Variants in INPP4B observed in about 807,000 individuals in gnomAD.
INPP4B encodes inositol polyphosphate 4-phosphatase type II.
In INPP4B, 55 loss-of-function variants were observed where a neutral mutation model predicts 122.5. The ratio of observed to expected loss-of-function variants is 0.45; its 90% CI spans 0.36 to 0.56. The LOEUF (loss-of-function observed/expected upper bound fraction) is 0.56. Among genes scored for constraint, INPP4B ranks in the 20% least tolerant of loss-of-function variants. INPP4B has a pLI of 0.00. For synonymous variants in INPP4B, 403 were observed against 388.7 expected (o/e 1.04, Z -0.43); for missense variants, 1,000 against 1,097.7 (o/e 0.91, Z 1.26).
chr4:142,775,719 T>G (rs1447617203), intron 1 of INPP4B, among the ~76,000 whole-genome samples: 1 of 152,116 alleles, frequency 6.6e-6, no homozygotes, highest in Non-Finnish European at 1.5e-5. Context: ...TATGTCCATT[T>G]AAAAAATCAG....
intron 2 of INPP4B, among the ~76,000 whole-genome samples, chr4:142,701,003 T>C (rs977224553): frequency 6.6e-6 from 1 of 152,084 alleles, no homozygotes; most frequent in East Asian, 1.9e-4. Flanking sequence ...CCTTAATCCA[T>C]AAGAAAATTT....
chr4:142,433,451 C>T (rs141733811), intron 3 of INPP4B, among the ~76,000 whole-genome samples: 2,404 of 152,220 alleles, frequency 0.016, 32 homozygotes, highest in Middle Eastern at 0.044. Context: ...TTCTCTCACC[C>T]TCCCCCAGGG....
At chr4:142,148,828 G>A (rs1812208377) in intron 17 of INPP4B, among the ~76,000 whole-genome samples, 1 of 152,158 alleles carries the variant, frequency 6.6e-6, no homozygotes, top group Non-Finnish European at 1.5e-5. Flanking sequence ...ATATATGGTA[G>A]GCAGAATAAA....
intron 25 of INPP4B, among the ~76,000 whole-genome samples, chr4:142,044,254 T>C (rs111853291): frequency 1.9e-4 from 29 of 152,264 alleles, no homozygotes; most frequent in African/African-American, 6.5e-4. Context: ...GTAGATTAAT[T>C]AGATGGAATC....
At chr4:142,611,823 C>A (rs1423969499) in intron 2 of INPP4B, among the ~76,000 whole-genome samples, 1 of 151,524 alleles carries the variant, frequency 6.6e-6, no homozygotes, top group East Asian at 1.9e-4. Flanking sequence ...TGCACGCCAC[C>A]ATGCCTGGCT....
At chr4:142,196,060 GAGA>G (rs1309321597) in intron 14 of INPP4B, among the ~76,000 whole-genome samples, 4 of 152,098 alleles carry the variant, frequency 2.6e-5, no homozygotes, top group Non-Finnish European at 4.4e-5. Context: ...GAAGGTAAAG[GAGA>G]AGAAGCATGT....
intron 14 of INPP4B, among the ~76,000 whole-genome samples, chr4:142,195,237 A>T (rs945864584): frequency 6.6e-6 from 1 of 152,198 alleles, no homozygotes; most frequent in African/African-American, 2.4e-5. Flanking sequence ...AAAATAGTCA[A>T]CCTCATAAAA....
intron 2 of INPP4B, among the ~76,000 whole-genome samples, chr4:142,649,386 G>A (rs992493503): frequency 5.3e-5 from 8 of 152,196 alleles, no homozygotes; most frequent in Admixed American, 1.3e-4. Context: ...CAAGTTGACA[G>A]AAGTAGGCTT....
At chr4:142,056,051 G>T (rs773386286) in intron 25 of INPP4B, among the ~76,000 whole-genome samples, 1 of 151,740 alleles carries the variant, frequency 6.6e-6, no homozygotes, top group East Asian at 1.9e-4. Flanking sequence ...TAGATTCCTC[G>T]CATGTGCAGT....
rs141787379 is a variant in INPP4B, at chr4:142,225,429, T to C, written c.836+12435A>G. On this transcript the variant is annotated intron_variant, in intron 12 of 25. Transcript: ENST00000262992. ...TATTGTGGGACTTCACTTGTGATCA[T>C]GTGAGTCGATTCTCCTTAATAAACT... 4.9e-4 allele frequency among the ~76,000 whole-genome samples: 75 copies of C among 151,984 alleles called. 1 individual carries two copies. The highest frequency in any genetic ancestry group is 6.8e-3 in the Middle Eastern group (2 of 292).
At chr4:142,562,033 G>A (rs1730589466) in intron 2 of INPP4B, among the ~76,000 whole-genome samples, 1 of 151,372 alleles carries the variant, frequency 6.6e-6, no homozygotes, top group Non-Finnish European at 1.5e-5. Context: ...TTCTCACAGG[G>A]GGAAAAAGAG....
chr4:142,659,384 C>T (rs570586644), intron 2 of INPP4B, among the ~76,000 whole-genome samples: 204 of 150,390 alleles, frequency 1.4e-3, no homozygotes, highest in Non-Finnish European at 2.5e-3. Flanking sequence ...CCAACCTGGG[C>T]GACAGAGTGA....
intron 16 of INPP4B, among the ~76,000 whole-genome samples, chr4:142,169,367 C>A (rs1039624384): frequency 1.3e-5 from 2 of 151,598 alleles, no homozygotes; most frequent in Non-Finnish European, 3.0e-5. Flanking sequence ...TCATTAAGTT[C>A]TTTCCCACAG....
rs577268390 is a variant in INPP4B at position 142,080,407 on chromosome 4, G to A, written c.2642+1624C>T. Among the ~76,000 whole-genome samples, 7 of 152,124 alleles carry A rather than the reference G, an allele frequency of 4.6e-5. No homozygotes were observed. The East Asian group carries it at 7.7e-4, about 17-fold the overall frequency. ...CAGGCCAACACTCACACTCTGGCAC[G>A]GTCCTCATATACAGACAAAACCAAA... On this transcript the variant is annotated intron_variant, in intron 25 of 25. Coordinates refer to ENST00000262992, the MANE Select transcript of INPP4B (RefSeq NM_001101669.3).
chr4:142,444,523 A>T (rs2149464210), intron 3 of INPP4B, among the ~76,000 whole-genome samples: 1 of 152,160 alleles, frequency 6.6e-6, no homozygotes, highest in South Asian at 2.1e-4. Flanking sequence ...GCTGGAGAGG[A>T]TGAAGAAAAA....
At chr4:142,399,655 G>A (rs1800956350) in intron 7 of INPP4B, among the ~76,000 whole-genome samples, 1 of 152,158 alleles carries the variant, frequency 6.6e-6, no homozygotes, top group Non-Finnish European at 1.5e-5. Context: ...TATACATCCA[G>A]AAGATATCAA....
intron 9 of INPP4B, among the ~76,000 whole-genome samples, chr4:142,286,089 A>G (rs1393577855): frequency 6.6e-6 from 1 of 152,174 alleles, no homozygotes; most frequent in Non-Finnish European, 1.5e-5. Flanking sequence ...AAAGGAGGAA[A>G]AGTAATTAAA....
Position 142,398,423 on chromosome 4 carries a change from T to A in INPP4B, c.372+4515A>T, listed in dbSNP as rs1390314771. 1.6e-3 allele frequency among the ~76,000 whole-genome samples: 166 copies of A among 101,654 alleles called. 2 individuals are homozygous for A. The highest frequency in any genetic ancestry group is 3.6e-3 in the African/African-American group (91 of 25,286). The allele number at this position is 101,654 out of a possible 152,430, so 66.7% of individuals were successfully genotyped here. The stretch of plus-strand genomic sequence containing the variant: ...AAAAATATATATATATATATATATA[T>A]ATATATATATATATATATATATAAA... On this transcript the variant is annotated intron_variant, in intron 7 of 25. Coordinates refer to ENST00000262992, the MANE Select transcript of INPP4B (RefSeq NM_001101669.3).
In INPP4B at chr4:142,676,544, G is replaced by A. The variant is rs1424353801; in HGVS notation, c.-191+49295C>T. Among the ~76,000 whole-genome samples the A allele has an allele frequency of 2.6e-5, 4 of 152,114 alleles. No individual in the cohort carries two copies. The South Asian group carries it at 6.2e-4, about 24-fold the overall frequency. ...GCCCATATAGCCAAGACAATCCTAAGTAAAAAGAACAAAGCTGGAGGCATC... is the reference window on the plus strand; with the variant it reads ...GCCCATATAGCCAAGACAATCCTAAATAAAAAGAACAAAGCTGGAGGCATC... On this transcript the variant is annotated intron_variant, in intron 2 of 25. Coordinates refer to ENST00000262992, the MANE Select transcript of INPP4B (RefSeq NM_001101669.3).
Sources: gnomAD v4.1 joint callset for allele counts (sites outside exome capture counted in the v4.1 genomes callset) on GRCh38, gnomAD v4.1.1 for gene constraint, MANE v1.5 for transcripts, NCBI Gene and HGNC (gene_info 2026-07-23, HGNC 2026-07-21) for gene names.